The following LRPPRC variants were observed in gnomAD, a reference collection of about 807,000 sequenced individuals.
The protein encoded by LRPPRC is leucine-rich PPR motif-containing protein, mitochondrial.
In LRPPRC, 120 loss-of-function variants were observed where a neutral mutation model predicts 180.3. The ratio of observed to expected loss-of-function variants is 0.67; its 90% CI spans 0.57 to 0.77. LRPPRC has a LOEUF of 0.77. LRPPRC is among the 30% of genes least tolerant of loss of function. The probability of loss-of-function intolerance (pLI) is 0.00; values close to 1 mark genes in which losing one functional copy is unlikely to be tolerated. For missense variants in LRPPRC, 2,012 were observed against 1,657.2 expected, an observed-to-expected ratio of 1.21 and a Z score of -3.72; for synonymous variants, 723 against 600.0, an observed-to-expected ratio of 1.21 and a Z score of -3.00.
intron 3 of LRPPRC, among the ~76,000 whole-genome samples, chr2:43,977,859 G>C (rs6544723): frequency 0.61 from 91,919 of 151,852 alleles, 29,006 homozygotes; most frequent in Middle Eastern, 0.67. Flanking sequence ...TTACTCTACT[G>C]AGTCATGACA....
chr2:43,934,490 G>C (rs992003498), intron 24 of LRPPRC, among the ~76,000 whole-genome samples, 194 bp from the exon 25 acceptor site: 12 of 151,026 alleles, frequency 7.9e-5, no homozygotes, highest in African/African-American at 2.9e-4. Context: ...TGAGGATAAG[G>C]GTAAAAAAAA....
In LRPPRC at chr2:43,977,024, T is replaced by C. The variant is rs146293544; in HGVS notation, c.620A>G (p.Tyr207Cys). 1.9e-6 allele frequency: 3 copies of C among 1,613,322 alleles called. No homozygotes were observed. Among genetic ancestry groups the C allele is most frequent in the Middle Eastern group, 1.6e-4 (1 of 6,078 alleles). Residue 207 changes from tyrosine (Y) to cysteine (C), a missense_variant, in exon 5 of 38, where the codon TAT becomes TGT. Physicochemically the swap from Tyr to Cys is radical, Grantham distance 194. Coordinates refer to ENST00000260665, the MANE Select transcript of LRPPRC (RefSeq NM_133259.4). The part of the protein sequence containing the change: ...RVTYQRLIAS[Y>C]CNVGDIEGAS... ...ACCTTCAATATCTCCTACATTACAATAAGAAGCAATCAATCTCTGGTATGT... is the reference window on the plus strand; with the variant it reads ...ACCTTCAATATCTCCTACATTACAACAAGAAGCAATCAATCTCTGGTATGT...
chr2:43,896,526 A>T (rs1670693209), intron 35 of LRPPRC, 108 bp downstream of exon 35: 1 of 717,518 alleles, frequency 1.4e-6, no homozygotes, highest in Non-Finnish European at 2.4e-6. Context: ...GAATCTCTAT[A>T]GTATTCTCAA....
chr2:43,935,975 CG>C (rs1276562042), intron 23 of LRPPRC, among the ~76,000 whole-genome samples: 3 of 151,866 alleles, frequency 2.0e-5, no homozygotes, highest in South Asian at 2.1e-4. Context: ...CCCAGCTACT[CG>C]GGGGGCTGAG....
chr2:43,908,714 A>G (rs1487589885), intron 30 of LRPPRC, among the ~76,000 whole-genome samples: 1 of 152,100 alleles, frequency 6.6e-6, no homozygotes, highest in Non-Finnish European at 1.5e-5. Context: ...TTTAGTAGAG[A>G]CAGGGTTTCA....
intron 35 of LRPPRC, among the ~76,000 whole-genome samples, chr2:43,894,853 A>G (rs1028143704): frequency 1.3e-5 from 2 of 152,234 alleles, no homozygotes; most frequent in Admixed American, 1.3e-4. Context: ...AATTCCACTT[A>G]CATTTCTATG....
chr2:43,983,748 G>GA (rs1674411111), intron 1 of LRPPRC, among the ~76,000 whole-genome samples: 1 of 152,030 alleles, frequency 6.6e-6, no homozygotes, highest in Non-Finnish European at 1.5e-5. Flanking sequence ...TTATTAATCT[G>GA]AAAAAACCAG....
Position 43,975,191 on chromosome 2 carries a change from A to G in LRPPRC, c.764T>C (p.Leu255Pro), listed in dbSNP as rs1334063587. ...AGDMENAENI[L>P]TVMRDAGIEP... is the part of the protein sequence containing the mutation. ...AATTCCGGCATCTCTCATCACTGTG[A>G]GAATGTTTTCTGCATTCTCCATATC... The change falls in exon 7 of 38, where the codon CTC becomes CCC. Residue 255 changes from leucine (L) to proline (P), a missense_variant. Leu to Pro is a moderately conservative substitution (Grantham distance 98). Coordinates refer to ENST00000260665, the MANE Select transcript of LRPPRC (RefSeq NM_133259.4). 1 of 1,613,496 alleles carries G rather than the reference A, an allele frequency of 6.2e-7. No individual in the cohort carries two copies. Among genetic ancestry groups the G allele is most frequent in the South Asian group, 1.1e-5 (1 of 91,078 alleles).
rs1236179265 is a variant in LRPPRC at position 43,963,839 on chromosome 2, C to G, written c.1370-133G>C. The G allele has an allele frequency of 4.1e-6, 3 of 729,182 alleles. No homozygotes were observed. In the East Asian group the frequency reaches 7.3e-5, roughly 18 times the overall value. The allele number at this position is 729,182 out of a possible 1,614,324, so 45.2% of individuals were successfully genotyped here. On this transcript the variant is annotated intron_variant, in intron 11 of 37. Transcript: ENST00000260665. ...CTCAGCAATTCGTTTGTCTAAAAGG[C>G]AGAAAAGAAACACTGTGAGATACAA...
chr2:43,964,374 G>A lies in LRPPRC; in HGVS notation c.1370-668C>T, dbSNP rs559122630. Among the ~76,000 whole-genome samples the A allele has an allele frequency of 3.3e-5, 5 of 152,126 alleles. No individual in the cohort carries two copies. The South Asian group carries it at 1.0e-3, about 32-fold the overall frequency. On this transcript the variant is annotated intron_variant, in intron 11 of 37. Transcript: ENST00000260665. ...TTTCAAATAGATCCAGTTAATTCTA[G>A]ACAACTGTCAGATTACTCAAGTATC... is the stretch of plus-strand genomic sequence containing the variant.
intron 20 of LRPPRC, 82 bp downstream of exon 20, chr2:43,947,175 C>T (rs1017020214): frequency 5.5e-5 from 37 of 670,394 alleles, no homozygotes; most frequent in Admixed American, 8.0e-5. Flanking sequence ...TTGTAAAAAT[C>T]ATAAATATTA....
rs1572545430 is a variant in LRPPRC, at chr2:43,957,508, T to C, written c.1583-57A>G. The C allele has an allele frequency of 1.0e-5, 13 of 1,238,382 alleles. No homozygotes were observed. In the East Asian group the frequency reaches 3.0e-4, roughly 29 times the overall value. 76.7% of individuals were successfully genotyped at this position (1,238,382 alleles called of 1,614,324 possible). On this transcript the variant is annotated intron_variant, in intron 13 of 37. Coordinates refer to ENST00000260665, the MANE Select transcript of LRPPRC (RefSeq NM_133259.4). ...AGACCAAACAAATTTAAAAACCCTG[T>C]ATTATCAAATTGAAAACATATTTAT...
chr2:43,989,307 C>T (rs1039030766), intron 1 of LRPPRC, among the ~76,000 whole-genome samples: 1 of 152,198 alleles, frequency 6.6e-6, no homozygotes, highest in Admixed American at 6.5e-5. Context: ...ACTAGCCACC[C>T]TTCTACACTT....
intron 35 of LRPPRC, among the ~76,000 whole-genome samples, chr2:43,895,021 A>C (rs1670630611): frequency 6.6e-6 from 1 of 152,232 alleles, no homozygotes; most frequent in Non-Finnish European, 1.5e-5. Flanking sequence ...AAACATTCTG[A>C]AGTGTTACAC....
rs183032635 is a variant in LRPPRC at position 43,901,041 on chromosome 2, G to A, written c.3569+279C>T. Among the ~76,000 whole-genome samples the A allele has an allele frequency of 6.1e-4, 93 of 152,216 alleles. 2 individuals are homozygous for A. The highest frequency in any genetic ancestry group is 2.0e-3 in the African/African-American group (84 of 41,558). ...TTTTCACTTCTGAACAAAGTGTTTCGACAACAAGAGGCCTGGCATATATAC... is the reference window on the plus strand; with the variant it reads ...TTTTCACTTCTGAACAAAGTGTTTCAACAACAAGAGGCCTGGCATATATAC... On this transcript the variant is annotated intron_variant, in intron 32 of 37. Coordinates refer to ENST00000260665, the MANE Select transcript of LRPPRC (RefSeq NM_133259.4).
chr2:43,994,980 C>A (rs959229836), intron 1 of LRPPRC, among the ~76,000 whole-genome samples: 36 of 152,216 alleles, frequency 2.4e-4, no homozygotes, highest in Admixed American at 1.7e-3. Context: ...GTGGCTCACA[C>A]CTGTAATCCC....
intron 25 of LRPPRC, 71 bp from the exon 26 acceptor site, chr2:43,926,032 C>CA: frequency 2.2e-6 from 2 of 910,856 alleles, no homozygotes; most frequent in South Asian, 1.3e-5. Context: ...TCCTCAAAGA[C>CA]AGTTTCTTTT....
chr2:43,974,837 T>C (rs1673979567), intron 7 of LRPPRC, 79 bp from the exon 8 acceptor site: 10 of 1,419,860 alleles, frequency 7.0e-6, no homozygotes, highest in Non-Finnish European at 9.9e-6. Flanking sequence ...AATATCCAGA[T>C]TCAAAAAACT....
chr2:43,918,234 C>T lies in LRPPRC; in HGVS notation c.3039+22G>A, dbSNP rs757955269. 3.1e-6 allele frequency: 5 copies of T among 1,611,736 alleles called. No individual in the cohort carries two copies. The South Asian group carries it at 4.4e-5, about 14-fold the overall frequency. The stretch of plus-strand genomic sequence containing the variant: ...ATTATACTGACAACAAAATCTGTTA[C>T]GATTATGCCAAAAACAATTACCTCA... On this transcript the variant is annotated intron_variant, in intron 28 of 37. Transcript: ENST00000260665.
Sources: gnomAD v4.1 joint callset for allele counts (sites outside exome capture counted in the v4.1 genomes callset) on GRCh38, gnomAD v4.1.1 for gene constraint, MANE v1.5 for transcripts, NCBI Gene and HGNC (gene_info 2026-07-23, HGNC 2026-07-21) for gene names.